BEND7: variants seen among roughly 807,000 people sequenced by gnomAD.
BEND7 encodes BEN domain-containing protein 7.
A neutral mutation model predicts 50.9 loss-of-function variants in BEND7; 28 were observed. The observed-to-expected ratio is 0.55, with a 90% CI of 0.41 to 0.75. The LOEUF (loss-of-function observed/expected upper bound fraction) is 0.75. BEND7 is among the 30% of genes least tolerant of loss of function. BEND7 has a pLI of 0.00. For synonymous variants in BEND7, 170 were observed against 183.9 expected (o/e 0.92, Z 0.61); for missense variants, 477 against 491.3 (o/e 0.97, Z 0.28).
At chr10:13,484,373 AT>A (rs752573292) in intron 5 of BEND7, among the ~76,000 whole-genome samples, 3 of 152,344 alleles carry the variant, frequency 2.0e-5, no homozygotes, top group East Asian at 3.9e-4. Flanking sequence ...AAATCTTTTT[AT>A]TTCCTCCATT....
At position 13,526,195 on chromosome 10, in the gene BEND7, G is replaced by C. The variant is rs1304166974; in HGVS notation, c.88C>G (p.Pro30Ala). Residue 30 changes from proline to alanine, a missense_variant, in exon 2 of 9, where the codon CCA becomes GCA. Physicochemically the swap from Pro to Ala is conservative, Grantham distance 27. Coordinates refer to ENST00000466271, the MANE Select transcript of BEND7 (RefSeq NM_001369863.1). ...RDYHHEVYKI[P>A]EFSNDVNGEA... The stretch of plus-strand genomic sequence containing the variant: ...CCATTAACATCGTTGCTGAATTCTG[G>C]GATCTTATACACCTCGTGGTGATAA... The C allele has an allele frequency of 1.6e-6, 2 of 1,289,168 alleles. No homozygotes were observed. Among genetic ancestry groups the C allele is most frequent in the Admixed American group, 4.6e-5 (2 of 43,490 alleles). The allele number at this position is 1,289,168 out of a possible 1,614,324, so 79.9% of individuals were successfully genotyped here.
intron 2 of BEND7, 30 bp from the exon 3 acceptor site, chr10:13,500,110 C>G: frequency 1.3e-6 from 2 of 1,490,128 alleles, no homozygotes; most frequent in Non-Finnish European, 1.8e-6. Context: ...AGTTAGCACT[C>G]TAAATTAGTG....
chr10:13,439,340 G>C (rs1835062047), downstream of BEND7: 1 of 1,614,152 alleles, frequency 6.2e-7, no homozygotes, highest in Non-Finnish European at 8.5e-7. Context: ...TTTCAGCTCT[G>C]TCTCTGGTAA....
intron 6 of BEND7, among the ~76,000 whole-genome samples, chr10:13,460,360 G>A (rs1839965032): frequency 6.6e-6 from 1 of 152,200 alleles, no homozygotes; most frequent in Non-Finnish European, 1.5e-5. Flanking sequence ...AGGGAACTGA[G>A]TGACATTCCA....
At chr10:13,523,914 A>AC (rs1229521161) in intron 2 of BEND7, among the ~76,000 whole-genome samples, 4 of 152,224 alleles carry the variant, frequency 2.6e-5, no homozygotes, top group African/African-American at 9.7e-5. Context: ...ATTGAAAATA[A>AC]CCCACAGCAC....
upstream of BEND7, among the ~76,000 whole-genome samples, chr10:13,529,138 G>T (rs913927449): frequency 6.9e-6 from 1 of 143,940 alleles, no homozygotes; most frequent in African/African-American, 2.5e-5. Context: ...ATCCCCGGGG[G>T]CCGCCGCCGG....
At chr10:13,493,977 T>A (rs2076853204) in intron 4 of BEND7, among the ~76,000 whole-genome samples, 1 of 152,222 alleles carries the variant, frequency 6.6e-6, no homozygotes, top group Non-Finnish European at 1.5e-5. Flanking sequence ...TCCTGATATT[T>A]TTGTCTCCAA....
chr10:13,492,936 C>A, intron 4 of BEND7, 60 bp from the exon 5 acceptor site: 3 of 1,555,042 alleles, frequency 1.9e-6, no homozygotes, highest in Non-Finnish European at 2.6e-6. Flanking sequence ...GAAAACTTAT[C>A]TCCGGTCTAT....
downstream of BEND7, among the ~76,000 whole-genome samples, chr10:13,440,248 A>G (rs1835157109): frequency 6.6e-6 from 1 of 152,198 alleles, no homozygotes; most frequent in African/African-American, 2.4e-5. Flanking sequence ...AGGGCATCCC[A>G]GAGGCCTTGG....
At chr10:13,524,818 A>C (rs886533508) in intron 2 of BEND7, among the ~76,000 whole-genome samples, 1 of 152,102 alleles carries the variant, frequency 6.6e-6, no homozygotes, top group Admixed American at 6.6e-5. Flanking sequence ...GGCCCCAGTG[A>C]TATTCTTTCC....
intron 1 of BEND7, among the ~76,000 whole-genome samples, chr10:13,526,945 G>A (rs145383852): frequency 1.6e-4 from 24 of 152,302 alleles, no homozygotes; most frequent in Middle Eastern, 3.4e-3. Flanking sequence ...CTTCTCTATG[G>A]AGGCTACTGC....
chr10:13,487,127 T>C (rs2076275527), intron 5 of BEND7, among the ~76,000 whole-genome samples: 2 of 152,210 alleles, frequency 1.3e-5, no homozygotes, highest in Admixed American at 1.3e-4. Flanking sequence ...ATAATTAACA[T>C]TTATTTGCTA....
In BEND7 at chr10:13,506,137, C is replaced by T. The variant is rs138475091; in HGVS notation, c.146-6057G>A. On this transcript the variant is annotated intron_variant, in intron 2 of 8. Transcript: ENST00000466271. Reference sequence around the variant, plus strand: ...CTCCAAATAATGGTCCTGGTTTTCCCGGCCCACTGACCCCTGCCTCTTTTA... The same window carrying T: ...CTCCAAATAATGGTCCTGGTTTTCCTGGCCCACTGACCCCTGCCTCTTTTA... 7.9e-3 allele frequency among the ~76,000 whole-genome samples: 1,205 copies of T among 152,204 alleles called. 14 individuals are homozygous for T. Among genetic ancestry groups the T allele is most frequent in the Admixed American group, 0.015 (227 of 15,282 alleles).
In BEND7 at chr10:13,492,886, A is replaced by G. The variant is rs372079771; in HGVS notation, c.572-10T>C. On this transcript the variant is annotated splice_polypyrimidine_tract_variant and intron_variant, in intron 4 of 8. Transcript: ENST00000466271. ...CTGTTTTGAGTTCCAACTGCGAATA[A>G]TAAACAAAAATATGGTACAGGCACG... 3.7e-5 allele frequency: 59 copies of G among 1,593,066 alleles called. No homozygotes were observed. The highest frequency in any genetic ancestry group is 1.7e-4 in the Middle Eastern group (1 of 6,002).
intron 6 of BEND7, among the ~76,000 whole-genome samples, chr10:13,473,672 G>A (rs145733449): frequency 1.0e-3 from 154 of 149,334 alleles, no homozygotes; most frequent in East Asian, 4.2e-3. Context: ...ATCCATCATC[G>A]CTGTTGGACT....
chr10:13,462,805 G>A (rs1766384925), intron 6 of BEND7, among the ~76,000 whole-genome samples: 1 of 152,028 alleles, frequency 6.6e-6, no homozygotes, highest in Admixed American at 6.6e-5. Flanking sequence ...GTTCTAAGAA[G>A]CACAACAATC....
intron 6 of BEND7, among the ~76,000 whole-genome samples, chr10:13,456,375 A>G (rs1262828545): frequency 6.6e-6 from 1 of 152,128 alleles, no homozygotes; most frequent in Non-Finnish European, 1.5e-5. Context: ...GTCACCATGG[A>G]TGAGGTCCAT....
At chr10:13,470,367 G>A (rs2074691496) in intron 6 of BEND7, among the ~76,000 whole-genome samples, 1 of 152,232 alleles carries the variant, frequency 6.6e-6, no homozygotes, top group Non-Finnish European at 1.5e-5. Flanking sequence ...ACATTCTACT[G>A]TAGTGGCCCT....
chr10:13,462,397 TATTC>T (rs1271105410), intron 6 of BEND7, among the ~76,000 whole-genome samples: 2 of 152,318 alleles, frequency 1.3e-5, no homozygotes, highest in South Asian at 2.1e-4. Context: ...TTGTGAGACT[TATTC>T]ACTACCACAA....
Sources: allele counts gnomAD v4.1 joint callset (sites outside exome capture counted in the v4.1 genomes callset), GRCh38; gene constraint gnomAD v4.1.1; transcripts MANE v1.5; gene names NCBI Gene and HGNC (gene_info 2026-07-23, HGNC 2026-07-21).